PCDHGA5: variants seen among roughly 807,000 people sequenced by gnomAD.
PCDHGA5 encodes the protein protocadherin gamma-A5.
PCDHGA5 carries 36 observed loss-of-function variants against 56.7 expected under a neutral mutation model. The ratio of observed to expected loss-of-function variants is 0.64; its 90% CI spans 0.49 to 0.84. The LOEUF (loss-of-function observed/expected upper bound fraction) is 0.84. Among genes scored for constraint, PCDHGA5 ranks in the 40% least tolerant of loss-of-function variants. The pLI, the probability that PCDHGA5 is intolerant of heterozygous loss-of-function variation, is 0.00. For synonymous variants in PCDHGA5, 563 were observed against 520.2 expected (o/e 1.08, Z -1.12); for missense variants, 1,305 against 1,201.5 (o/e 1.09, Z -1.27).
intron 1 of PCDHGA5, chr5:141,423,397 C>A: frequency 1.9e-6 from 3 of 1,614,146 alleles, no homozygotes; most frequent in Non-Finnish European, 2.5e-6. Context: ...GCATAAGTCA[C>A]GCCTGCTGCA....
intron 1 of PCDHGA5, among the ~76,000 whole-genome samples, chr5:141,471,692 C>A (rs1293253544): frequency 6.6e-6 from 1 of 152,118 alleles, no homozygotes; most frequent in African/African-American, 2.4e-5. Context: ...TTCTGAAATT[C>A]TGGCTGGAAT....
Position 141,496,029 on chromosome 5 carries a change from C to T in PCDHGA5, c.2480+1164C>T, listed in dbSNP as rs548231443. ...TTGTCTTTTTTCTCTGAGCCTCTGTCTCTGTCTCTCATTTTTTTGTGCTTG... is the reference window on the plus strand; with the variant it reads ...TTGTCTTTTTTCTCTGAGCCTCTGTTTCTGTCTCTCATTTTTTTGTGCTTG... On this transcript the variant is annotated intron_variant, in intron 2 of 3. Coordinates refer to ENST00000518069, the MANE Select transcript of PCDHGA5 (RefSeq NM_018918.3). Among the ~76,000 whole-genome samples, 3 of 152,088 alleles carry T rather than the reference C, an allele frequency of 2.0e-5. No individual in the cohort carries two copies. In the East Asian group the frequency reaches 5.8e-4, roughly 29 times the overall value.
intron 1 of PCDHGA5, chr5:141,372,267 G>A (rs763070594): frequency 6.2e-7 from 1 of 1,613,174 alleles, no homozygotes; most frequent in Non-Finnish European, 8.5e-7. Flanking sequence ...GCGCACGGGT[G>A]AGGTGCGCAC....
chr5:141,371,500 T>C, intron 1 of PCDHGA5: 5 of 1,613,872 alleles, frequency 3.1e-6, no homozygotes, highest in South Asian at 1.1e-5. Context: ...GTTGCCCTGA[T>C]CAAAACACAT....
rs768985461 is a variant in PCDHGA5, at chr5:141,403,714, C to T, written c.2421+36963C>T. ...TTTACCGAGTTAAAGTCCTTGAGAA[C>T]GTGCCCCCAGGCACCTGGCTGCTTA... On this transcript the variant is annotated intron_variant, in intron 1 of 3. Transcript: ENST00000518069. 10 of 1,613,792 alleles carry T rather than the reference C, an allele frequency of 6.2e-6. No homozygotes were observed. In the South Asian group the frequency reaches 6.6e-5, roughly 11 times the overall value.
At chr5:141,442,947 C>T (rs185574624) in intron 1 of PCDHGA5, among the ~76,000 whole-genome samples, 92 of 152,282 alleles carry the variant, frequency 6.0e-4, no homozygotes, top group African/African-American at 1.7e-3. Flanking sequence ...AACTTCCTCT[C>T]ACTGCAAAAA....
At chr5:141,404,043 C>T (rs781644500) in intron 1 of PCDHGA5, 1 of 1,613,844 alleles carries the variant, frequency 6.2e-7, no homozygotes, top group East Asian at 2.2e-5. Context: ...CCTCAGGGAA[C>T]AGTAATTCTT....
At chr5:141,457,940 T>G (rs541807221) in intron 1 of PCDHGA5, among the ~76,000 whole-genome samples, 2 of 152,356 alleles carry the variant, frequency 1.3e-5, no homozygotes, top group East Asian at 3.9e-4. Flanking sequence ...TTTTATTGGC[T>G]CTGCATGTCA....
chr5:141,369,714 T>G (rs565396016), intron 1 of PCDHGA5, among the ~76,000 whole-genome samples: 2 of 152,150 alleles, frequency 1.3e-5, no homozygotes, highest in Non-Finnish European at 2.9e-5. Flanking sequence ...CATTATAACT[T>G]TTAGAAGTTA....
At chr5:141,413,244 C>T in intron 1 of PCDHGA5, 3 of 1,613,984 alleles carry the variant, frequency 1.9e-6, no homozygotes, top group Non-Finnish European at 2.5e-6. Flanking sequence ...TCTGCCTTTT[C>T]TTCGGGATTC....
chr5:141,397,004 T>A (rs2150690904), intron 1 of PCDHGA5, among the ~76,000 whole-genome samples: 2 of 152,342 alleles, frequency 1.3e-5, no homozygotes, highest in African/African-American at 4.8e-5. Context: ...ATCTGACAAA[T>A]GGACTAAAGA....
At chr5:141,409,995 C>A (rs777416137) in intron 1 of PCDHGA5, 2 of 1,613,308 alleles carry the variant, frequency 1.2e-6, no homozygotes, top group Admixed American at 3.3e-5. Flanking sequence ...GACGCCGACT[C>A]GGGACACAAC....
At chr5:141,400,592 G>T in intron 1 of PCDHGA5, 1 of 1,603,196 alleles carries the variant, frequency 6.2e-7, no homozygotes, top group Non-Finnish European at 8.5e-7. Context: ...TGAAACTATC[G>T]TACATTTTCA....
At chr5:141,434,920 A>G (rs927245955) in intron 1 of PCDHGA5, among the ~76,000 whole-genome samples, 3 of 151,796 alleles carry the variant, frequency 2.0e-5, no homozygotes, top group East Asian at 1.9e-4. Flanking sequence ...ATTTATGTAC[A>G]TATATTTTAT....
Position 141,409,216 on chromosome 5 carries a change from T to G in PCDHGA5, c.2421+42465T>G, listed in dbSNP as rs368791778. 9.9e-6 allele frequency: 16 copies of G among 1,613,886 alleles called. No individual in the cohort carries two copies. The African/African-American group carries it at 1.1e-4, about 11-fold the overall frequency. ...AGTGTAAAGTAATCATAGAAATCCT[T>G]GATGAAAACGACAACAGCCCAGAAA... is the stretch of plus-strand genomic sequence containing the variant. On this transcript the variant is annotated intron_variant, in intron 1 of 3. Coordinates refer to ENST00000518069, the MANE Select transcript of PCDHGA5 (RefSeq NM_018918.3).
intron 1 of PCDHGA5, chr5:141,478,287 G>A (rs777542913): frequency 3.7e-6 from 6 of 1,614,154 alleles, no homozygotes; most frequent in Non-Finnish European, 5.1e-6. Flanking sequence ...AAGCAGTCTA[G>A]AGACCTATAC....
chr5:141,423,864 G>A (rs180692491), intron 1 of PCDHGA5: 551 of 1,284,224 alleles, frequency 4.3e-4, no homozygotes, highest in Non-Finnish European at 5.0e-4. Context: ...TTTTGTGAAA[G>A]TCATTTTTCA....
intron 1 of PCDHGA5, among the ~76,000 whole-genome samples, chr5:141,464,301 T>A (rs1237581605): frequency 6.6e-6 from 1 of 150,782 alleles, no homozygotes; most frequent in Non-Finnish European, 1.5e-5. Flanking sequence ...CTCCATTGTA[T>A]GTGCACATAT....
intron 1 of PCDHGA5, chr5:141,415,403 A>C (rs757508926): frequency 4.3e-6 from 7 of 1,614,082 alleles, no homozygotes; most frequent in Non-Finnish European, 4.2e-6. Context: ...TCCGGCTCGC[A>C]CTTTGTGGGC....
Sources: allele counts gnomAD v4.1 joint callset (sites outside exome capture counted in the v4.1 genomes callset), GRCh38; gene constraint gnomAD v4.1.1; transcripts MANE v1.5; gene names NCBI Gene and HGNC (gene_info 2026-07-23, HGNC 2026-07-21).